Variants in MYBL2 observed in about 807,000 individuals in gnomAD.
MYBL2 encodes MYB proto-oncogene like 2, also known as myb-related protein B.
Under a neutral mutation model 79.9 loss-of-function variants are expected in MYBL2, and 28 were observed. The observed-to-expected ratio is 0.35, with a 90% confidence interval of 0.26 to 0.48. The LOEUF is 0.48. Ranked by LOEUF, MYBL2 falls within the 20% of genes least tolerant of loss-of-function variation. The pLI is 0.99. For synonymous variants in MYBL2, 378 were observed against 361.2 expected, an observed-to-expected ratio of 1.05 and a Z score of -0.53; for missense variants, 735 against 893.9, an observed-to-expected ratio of 0.82 and a Z score of 2.27.
At chr20:43,712,033 G>A (rs1024875135) in intron 11 of MYBL2, among the ~76,000 whole-genome samples, 11 of 151,774 alleles carry the variant, frequency 7.2e-5, no homozygotes, top group Admixed American at 5.9e-4. Flanking sequence ...CGAGGCGGTC[G>A]GGATGAGCCA....
chr20:43,688,981 G>A (rs1399070966), intron 5 of MYBL2, among the ~76,000 whole-genome samples: 1 of 151,888 alleles, frequency 6.6e-6, no homozygotes, highest in Non-Finnish European at 1.5e-5. Context: ...GTAGAGATGG[G>A]GTTTTGCCAT....
At chr20:43,708,522 T>C (rs1468505227) in intron 9 of MYBL2, among the ~76,000 whole-genome samples, 1 of 152,104 alleles carries the variant, frequency 6.6e-6, no homozygotes, top group Middle Eastern at 3.2e-3. Flanking sequence ...CAGCCTTGAA[T>C]TCTGGGCTCA....
At chr20:43,695,159 G>C (rs1231880317) in intron 6 of MYBL2, among the ~76,000 whole-genome samples, 1 of 151,702 alleles carries the variant, frequency 6.6e-6, no homozygotes, top group East Asian at 1.9e-4. Context: ...TCAGCCTCCT[G>C]AGTAGCTGGG....
chr20:43,681,715 C>T (rs1987146900), intron 2 of MYBL2, 69 bp from the exon 3 acceptor site: 6 of 1,509,940 alleles, frequency 4.0e-6, no homozygotes, highest in Admixed American at 1.7e-5. Context: ...AGATTGGGCT[C>T]TGTCACGGGC....
chr20:43,711,616 G>A lies in MYBL2; in HGVS notation c.1719+15G>A, dbSNP rs1368717173. 1 of 1,604,144 alleles carries A rather than the reference G, an allele frequency of 6.2e-7. No homozygotes were observed. The highest frequency in any genetic ancestry group is 8.5e-7 in the Non-Finnish European group (1 of 1,174,984). ...GGAAGCCTGGGGTGAGTAGGGTAGG[G>A]GTGGGAGAGCCTGGGCAGGGGGAAT... On this transcript the variant is annotated intron_variant, in intron 11 of 13. Coordinates refer to ENST00000217026, the MANE Select transcript of MYBL2 (RefSeq NM_002466.4).
In MYBL2 at chr20:43,691,479, G is replaced by A. The variant is rs75551038; in HGVS notation, c.501-678G>A. 9.1e-3 allele frequency among the ~76,000 whole-genome samples: 1,378 copies of A among 150,938 alleles called. 13 individuals carry two copies. Among genetic ancestry groups the A allele is most frequent in the African/African-American group, 0.024 (967 of 41,066 alleles). Reference sequence around the variant, plus strand: ...TGGGATTACAGGTGCCTGGCATCACGCCCAGCACCTCCCAAAGTGCCAGGA... The same window carrying A: ...TGGGATTACAGGTGCCTGGCATCACACCCAGCACCTCCCAAAGTGCCAGGA... On this transcript the variant is annotated intron_variant, in intron 5 of 13. Coordinates refer to ENST00000217026, the MANE Select transcript of MYBL2 (RefSeq NM_002466.4).
At chr20:43,690,935 C>T (rs923160044) in intron 5 of MYBL2, among the ~76,000 whole-genome samples, 4 of 152,168 alleles carry the variant, frequency 2.6e-5, no homozygotes, top group Non-Finnish European at 5.9e-5. Flanking sequence ...GGTACTATCC[C>T]GTCCTTCTGT....
At chr20:43,692,945 C>T (rs1987447457) in intron 6 of MYBL2, among the ~76,000 whole-genome samples, 1 of 152,126 alleles carries the variant, frequency 6.6e-6, no homozygotes, top group South Asian at 2.1e-4. Context: ...TTTTTTCGGC[C>T]CTTAGCTCCT....
At chr20:43,671,860 GAATTCAAAGC>G (rs1309361713) in intron 1 of MYBL2, among the ~76,000 whole-genome samples, 2 of 151,582 alleles carry the variant, frequency 1.3e-5, no homozygotes, top group East Asian at 1.9e-4. Context: ...AAAACACCCA[GAATTCAAAGC>G]AGCTCGTACT....
At position 43,678,873 on chromosome 20, in the gene MYBL2, AAG is replaced by A. The variant is rs1215124310; in HGVS notation, c.115-2909_115-2908del. ...ACTCCGTCTCAAAAAAAAAAAAAAA[AAG>A]AAAAAAACATATAGAGCACAGGCTG... is the stretch of plus-strand genomic sequence containing the variant. On this transcript the variant is annotated intron_variant, in intron 2 of 13. Coordinates refer to ENST00000217026, the MANE Select transcript of MYBL2 (RefSeq NM_002466.4). Among the ~76,000 whole-genome samples the A allele has an allele frequency of 5.7e-3, 684 of 119,642 alleles. 57 individuals are homozygous for A. The highest frequency in any genetic ancestry group is 0.017 in the South Asian group (62 of 3,658). 78.5% of individuals were successfully genotyped at this position (119,642 alleles called of 152,430 possible).
chr20:43,682,760 C>T (rs1031874050), intron 3 of MYBL2, 34 bp from the exon 4 acceptor site: 1 of 1,607,016 alleles, frequency 6.2e-7, no homozygotes, highest in African/African-American at 1.3e-5. Context: ...CAGAAGTTCT[C>T]ACAGATTGGT....
At chr20:43,706,706 A>C (rs1371735727) in intron 9 of MYBL2, among the ~76,000 whole-genome samples, 2 of 13,596 alleles carry the variant, frequency 1.5e-4, no homozygotes, top group Non-Finnish European at 3.2e-4. Flanking sequence ...GTCTGTACAC[A>C]AAAAAAAAAA....
At chr20:43,704,235 C>G (rs540008525) in intron 8 of MYBL2, among the ~76,000 whole-genome samples, 2 of 152,152 alleles carry the variant, frequency 1.3e-5, no homozygotes, top group African/African-American at 4.8e-5. Context: ...AGACTGGTCT[C>G]GAACTCTTGA....
chr20:43,715,959 A>T lies in MYBL2; in HGVS notation c.1975A>T (p.Met659Leu), dbSNP rs1319582947. 1.2e-6 allele frequency: 2 copies of T among 1,609,814 alleles called. No homozygotes were observed. Among genetic ancestry groups the T allele is most frequent in the East Asian group, 2.2e-5 (1 of 44,816 alleles). ...TGGTAACCCTCTTGCCTCCTCCCAG[A>T]TGTCCAGTGCCTGGAAGACGGTGGC... is the stretch of plus-strand genomic sequence containing the variant. ...PRSHFTTPAP[M>L]SSAWKTVACG... The change falls in exon 14 of 14, where the codon ATG becomes TTG. Residue 659 changes from methionine (M) to leucine (L), a missense_variant and splice_region_variant. Around this residue, in one of 5 missense-constraint regions of MYBL2, gnomAD observed 204 missense variants for 202.9 expected, o/e 1.01. Coordinates refer to ENST00000217026, the MANE Select transcript of MYBL2 (RefSeq NM_002466.4).
At position 43,682,817 on chromosome 20, in the gene MYBL2, G is replaced by A. The variant is rs764807508; in HGVS notation, c.210G>A (p.Gln70=). 2 of 1,614,112 alleles carry A rather than the reference G, an allele frequency of 1.2e-6. No homozygotes were observed. The highest frequency in any genetic ancestry group is 2.2e-5 in the South Asian group (2 of 91,088). The part of the protein sequence containing the change: ...HFPNRTDQQC[Q]YRWLRVLNPD... ...AGAACCGCACTGACCAGCAATGCCAGTACAGGTGGCTGAGAGTTTTGAATC... is the reference window on the plus strand; with the variant it reads ...AGAACCGCACTGACCAGCAATGCCAATACAGGTGGCTGAGAGTTTTGAATC... The change falls in exon 4 of 14, where the codon CAG becomes CAA. Residue 70 remains glutamine (Q), a synonymous_variant. Transcript: ENST00000217026.
intron 2 of MYBL2, among the ~76,000 whole-genome samples, chr20:43,677,054 T>C (rs1024451859): frequency 5.9e-5 from 9 of 152,346 alleles, no homozygotes; most frequent in African/African-American, 2.2e-4. Flanking sequence ...TGTTTTGTTT[T>C]TTCTAAAACT....
chr20:43,690,445 A>G (rs1987380105), intron 5 of MYBL2, among the ~76,000 whole-genome samples: 1 of 151,952 alleles, frequency 6.6e-6, no homozygotes, highest in South Asian at 2.1e-4. Flanking sequence ...ACCTTAGGTG[A>G]TCTGCTTCCA....
chr20:43,693,069 G>A (rs2145722080), intron 6 of MYBL2, among the ~76,000 whole-genome samples: 1 of 152,086 alleles, frequency 6.6e-6, no homozygotes, highest in South Asian at 2.1e-4. Flanking sequence ...GTTTTGCTCT[G>A]ATGCCCAGGC....
chr20:43,690,868 G>C (rs1236773511), intron 5 of MYBL2, among the ~76,000 whole-genome samples: 1 of 152,176 alleles, frequency 6.6e-6, no homozygotes, highest in East Asian at 1.9e-4. Context: ...ACAGGCGTGA[G>C]CCACCGCGCC....
Sources: allele counts gnomAD v4.1 joint callset (sites outside exome capture counted in the v4.1 genomes callset), GRCh38; gene constraint gnomAD v4.1.1; regional missense constraint gnomAD v4.1.1; transcripts MANE v1.5; gene names NCBI Gene and HGNC (gene_info 2026-07-23, HGNC 2026-07-21).